RFTN2: variants seen among roughly 807,000 people sequenced by gnomAD.
RFTN2 encodes raftlin family member 2, also known as raftlin-2.
A neutral mutation model predicts 52.7 loss-of-function variants in RFTN2; 34 were observed. The ratio of observed to expected loss-of-function variants is 0.64; its 90% CI spans 0.49 to 0.86. The LOEUF is 0.86. Among genes scored for constraint, RFTN2 ranks in the 40% least tolerant of loss-of-function variants. RFTN2 has a pLI of 0.00. For synonymous variants in RFTN2, 203 were observed against 217.7 expected (o/e 0.93, Z 0.59); for missense variants, 536 against 600.1 (o/e 0.89, Z 1.12).
At chr2:197,651,412 AG>A (rs1488726558) in intron 1 of RFTN2, among the ~76,000 whole-genome samples, 2 of 152,184 alleles carry the variant, frequency 1.3e-5, no homozygotes, top group Non-Finnish European at 2.9e-5. Context: ...TGAGATCAGG[AG>A]TTTGAGACCA....
intron 8 of RFTN2, among the ~76,000 whole-genome samples, chr2:197,579,673 C>T (rs1340773496): frequency 6.6e-6 from 1 of 152,046 alleles, no homozygotes; most frequent in African/African-American, 2.4e-5. Flanking sequence ...TCTTTCCCTC[C>T]TACCTGTCCC....
At chr2:197,630,870 C>T (rs1322733933) in intron 5 of RFTN2, 141 bp downstream of exon 5, 2 of 653,340 alleles carry the variant, frequency 3.1e-6, no homozygotes, top group African/African-American at 1.8e-5. Flanking sequence ...AGCTACATAT[C>T]TGTGTAACAG....
chr2:197,626,614 CTTCTTT>C (rs1345947913), intron 5 of RFTN2, among the ~76,000 whole-genome samples: 2 of 97,592 alleles, frequency 2.0e-5, no homozygotes, highest in Admixed American at 1.3e-4. Flanking sequence ...AAGGAATAAT[CTTCTTT>C]TTTTTTTTTT....
At chr2:197,673,592 T>G (rs566652345) in intron 1 of RFTN2, among the ~76,000 whole-genome samples, 1 of 152,296 alleles carries the variant, frequency 6.6e-6, no homozygotes, top group East Asian at 1.9e-4. Flanking sequence ...ATACTTAAAC[T>G]TTTACAGTGT....
At position 197,604,889 on chromosome 2, in the gene RFTN2, T is replaced by C. The variant is rs115955337; in HGVS notation, c.1155-8820A>G. The stretch of plus-strand genomic sequence containing the variant: ...GATTCTCATGCCTCAGCCTCCCAAG[T>C]AGGTGTGACCACAGGCATGTGACAC... On this transcript the variant is annotated intron_variant, in intron 7 of 8. Coordinates refer to ENST00000295049, the MANE Select transcript of RFTN2 (RefSeq NM_144629.3). 2.4e-3 allele frequency among the ~76,000 whole-genome samples: 360 copies of C among 152,240 alleles called. 1 individual carries two copies. The highest frequency in any genetic ancestry group is 8.5e-3 in the African/African-American group (351 of 41,538).
At chr2:197,618,877 C>A (rs2088200296) in intron 5 of RFTN2, among the ~76,000 whole-genome samples, 1 of 150,362 alleles carries the variant, frequency 6.7e-6, no homozygotes, top group Admixed American at 6.6e-5. Context: ...AAGTGAGGAG[C>A]CCCTCCGCCC....
In RFTN2 at chr2:197,633,990, A is replaced by G. The variant is rs750524529; in HGVS notation, c.446T>C (p.Val149Ala). The G allele has an allele frequency of 1.9e-6, 3 of 1,606,568 alleles. No individual in the cohort carries two copies. Among genetic ancestry groups the G allele is most frequent in the Non-Finnish European group, 2.6e-6 (3 of 1,175,880 alleles). ...AAKELIEKIN[V>A]AAKRGMKFVG... ...AAATTTCATTCCTCTTTTAGCAGCG[A>G]CATTAATCTGATATTTAAAAAGAGA... The change falls in exon 4 of 9, where the codon GTC becomes GCC. Residue 149 changes from valine to alanine, a missense_variant. Val to Ala is a moderately conservative substitution (Grantham distance 64, BLOSUM62 0). Transcript: ENST00000295049.
At chr2:197,663,071 TG>T (rs1328854289) in intron 1 of RFTN2, among the ~76,000 whole-genome samples, 3 of 152,206 alleles carry the variant, frequency 2.0e-5, no homozygotes, top group Non-Finnish European at 2.9e-5. Flanking sequence ...TTTTATTAAA[TG>T]TTTTTTTCTG....
chr2:197,611,263 G>A (rs1457666876), intron 7 of RFTN2, among the ~76,000 whole-genome samples: 11 of 152,102 alleles, frequency 7.2e-5, no homozygotes, highest in African/African-American at 9.7e-5. Context: ...TGGTTGGTAC[G>A]CTATTAATTA....
chr2:197,639,168 T>C (rs1290778054), intron 3 of RFTN2, among the ~76,000 whole-genome samples: 15 of 143,262 alleles, frequency 1.0e-4, no homozygotes, highest in Non-Finnish European at 1.8e-4. Context: ...TGGCTGCCCT[T>C]AACATTTTTT....
intron 3 of RFTN2, among the ~76,000 whole-genome samples, chr2:197,641,039 A>G (rs1382504423): frequency 6.6e-6 from 1 of 152,218 alleles, no homozygotes; most frequent in African/African-American, 2.4e-5. Flanking sequence ...AATGTCTTTT[A>G]TATGGCTACT....
intron 1 of RFTN2, among the ~76,000 whole-genome samples, chr2:197,661,699 T>G (rs749019323): frequency 6.6e-6 from 1 of 152,168 alleles, no homozygotes; most frequent in Non-Finnish European, 1.5e-5. Context: ...TTTTAGTTTT[T>G]TGAGAAATCT....
chr2:197,661,624 A>G (rs2088978767), intron 1 of RFTN2, among the ~76,000 whole-genome samples: 1 of 152,050 alleles, frequency 6.6e-6, no homozygotes, highest in African/African-American at 2.4e-5. Context: ...CCTTTGATAT[A>G]CTGATTTCTT....
intron 8 of RFTN2, among the ~76,000 whole-genome samples, chr2:197,583,611 C>A (rs553304978): frequency 6.6e-6 from 1 of 151,560 alleles, no homozygotes; most frequent in East Asian, 1.9e-4. Flanking sequence ...TTAAAAAGGA[C>A]TGGACAGTAC....
chr2:197,625,713 C>CTT (rs2088346449), intron 5 of RFTN2, among the ~76,000 whole-genome samples: 1 of 141,190 alleles, frequency 7.1e-6, no homozygotes, highest in Non-Finnish European at 1.6e-5. Context: ...CCTCTCCTCT[C>CTT]CTCTCCTCCC....
chr2:197,614,412 C>T (rs867802962), intron 7 of RFTN2, among the ~76,000 whole-genome samples: 5 of 152,264 alleles, frequency 3.3e-5, no homozygotes, highest in Admixed American at 1.3e-4. Flanking sequence ...TGCATCCCAC[C>T]TCTACCCTCA....
chr2:197,584,196 C>T (rs753449332), intron 8 of RFTN2, among the ~76,000 whole-genome samples: 6 of 152,166 alleles, frequency 3.9e-5, no homozygotes, highest in East Asian at 1.9e-4. Flanking sequence ...CCTGAGGAAT[C>T]GCCACACTGT....
chr2:197,586,187 G>A (rs900226308), intron 8 of RFTN2, among the ~76,000 whole-genome samples: 16 of 152,126 alleles, frequency 1.1e-4, no homozygotes, highest in African/African-American at 3.9e-4. Flanking sequence ...CCCCTTGCTC[G>A]TCAGACTCTC....
intron 7 of RFTN2, among the ~76,000 whole-genome samples, chr2:197,598,882 G>A (rs1309011033): frequency 6.6e-6 from 1 of 151,988 alleles, no homozygotes; most frequent in Non-Finnish European, 1.5e-5. Flanking sequence ...GTTCCTGTTG[G>A]TATGGAGTGT....
Sources: allele counts gnomAD v4.1 joint callset (sites outside exome capture counted in the v4.1 genomes callset), GRCh38; gene constraint gnomAD v4.1.1; transcripts MANE v1.5; gene names NCBI Gene and HGNC (gene_info 2026-07-23, HGNC 2026-07-21).